Variants in NCKAP1 observed in about 807,000 individuals in gnomAD.
The protein encoded by NCKAP1 is nck-associated protein 1.
A neutral mutation model predicts 151.2 loss-of-function variants in NCKAP1; 21 were observed. The ratio of observed to expected loss-of-function variants is 0.14; its 90% confidence interval spans 0.10 to 0.20. The LOEUF is 0.20. Ranked by LOEUF, NCKAP1 falls within the 10% of genes least tolerant of loss-of-function variation. NCKAP1 has a pLI of 1.00. For missense variants in NCKAP1, 933 were observed against 1,352.1 expected, an observed-to-expected ratio of 0.69 and a Z score of 4.86; for synonymous variants, 484 against 451.8, an observed-to-expected ratio of 1.07 and a Z score of -0.90.
chr2:183,017,144 G>C (rs1168947261), intron 2 of NCKAP1, among the ~76,000 whole-genome samples: 1 of 152,122 alleles, frequency 6.6e-6, no homozygotes, highest in African/African-American at 2.4e-5. Flanking sequence ...TTCAGCTCTA[G>C]AGCAGCAGTC....
intron 24 of NCKAP1, chr2:182,935,628 T>C: frequency 4.4e-6 from 1 of 226,226 alleles, no homozygotes; most frequent in Non-Finnish European, 8.5e-6. Context: ...ATGAGTTAGA[T>C]GGTTCACAAG....
In NCKAP1 at chr2:183,004,441, A is replaced by AAT. The variant is rs1357704153; in HGVS notation, c.220-1118_220-1117dup. 2.0e-3 allele frequency among the ~76,000 whole-genome samples: 303 copies of AAT among 150,208 alleles called. 1 individual carries two copies. Among genetic ancestry groups the AAT allele is most frequent in the African/African-American group, 7.2e-3 (290 of 40,484 alleles). ...ACAGCAGTGAGCCTAACATCAGAGG[A>AAT]ATATATATATATTTTTAACTACGAA... On this transcript the variant is annotated intron_variant, in intron 2 of 30. Coordinates refer to ENST00000361354, the MANE Select transcript of NCKAP1 (RefSeq NM_013436.5).
At chr2:183,036,418 A>G (rs1699103621) in intron 1 of NCKAP1, among the ~76,000 whole-genome samples, 2 of 152,218 alleles carry the variant, frequency 1.3e-5, no homozygotes, top group Admixed American at 1.3e-4. Context: ...TTTGGACAAA[A>G]TTCATATAGG....
chr2:182,978,109 A>T (rs943054254), intron 14 of NCKAP1, among the ~76,000 whole-genome samples: 1 of 152,176 alleles, frequency 6.6e-6, no homozygotes, highest in Non-Finnish European at 1.5e-5. Context: ...ACTCTATATA[A>T]ACCAAATATC....
rs1393976962 is a variant in NCKAP1 at position 182,983,231 on chromosome 2, G to A, written c.1101+55C>T. The A allele has an allele frequency of 5.0e-6, 7 of 1,391,476 alleles. No individual in the cohort carries two copies. The South Asian group carries it at 6.4e-5, about 13-fold the overall frequency. 86.2% of individuals were successfully genotyped at this position (1,391,476 alleles called of 1,614,324 possible). A position where few individuals can be genotyped will look rare whatever the true frequency, so the allele number is the denominator to read the frequency against. On this transcript the variant is annotated intron_variant, in intron 11 of 30. Transcript: ENST00000361354. ...TTTCAGTAAAATTTCACTTAGAAACGTTTTTTAAAATTTTAATATGGCACA... is the reference window on the plus strand; with the variant it reads ...TTTCAGTAAAATTTCACTTAGAAACATTTTTTAAAATTTTAATATGGCACA...
At chr2:183,025,955 C>G (rs1698886474) in intron 1 of NCKAP1, among the ~76,000 whole-genome samples, 1 of 152,130 alleles carries the variant, frequency 6.6e-6, no homozygotes, top group South Asian at 2.1e-4. Context: ...TAGGGACTAT[C>G]ACATATAATG....
chr2:183,017,124 G>T (rs1340164997), intron 2 of NCKAP1, among the ~76,000 whole-genome samples: 3 of 152,106 alleles, frequency 2.0e-5, no homozygotes, highest in Non-Finnish European at 2.9e-5. Flanking sequence ...GTCCAAAGGG[G>T]TAGCTAGAAT....
intron 24 of NCKAP1, among the ~76,000 whole-genome samples, chr2:182,939,438 A>C (rs1696949151): frequency 1.3e-5 from 2 of 152,152 alleles, no homozygotes; most frequent in Admixed American, 1.3e-4. Context: ...CTGATGCAGG[A>C]GAATTGGTTG....
At chr2:182,933,694 C>A (rs1343459231) in intron 26 of NCKAP1, among the ~76,000 whole-genome samples, 1 of 151,980 alleles carries the variant, frequency 6.6e-6, no homozygotes, top group East Asian at 1.9e-4. Flanking sequence ...GGATTAGAGT[C>A]TTGAGCCACC....
At position 182,935,302 on chromosome 2, in the gene NCKAP1, T is replaced by C; in HGVS notation, c.2769A>G (p.Ala923=). Residue 923 remains alanine, a synonymous_variant, in exon 25 of 31, where the codon GCA becomes GCG. Coordinates refer to ENST00000361354, the MANE Select transcript of NCKAP1 (RefSeq NM_013436.5). The stretch of plus-strand genomic sequence containing the variant: ...TGTAATGGTTTCTTACATCTCTAAG[T>C]GCTTCTTGTGCCAATGATCGGAAGG... The part of the protein sequence containing the change: ...ILSFRSLAQE[A]LRDVLSYHIP... 6.3e-7 allele frequency: 1 copy of C among 1,586,220 alleles called. No homozygotes were observed. The highest frequency in any genetic ancestry group is 1.2e-5 in the South Asian group (1 of 86,012).
chr2:183,008,241 T>C (rs1455870073), intron 2 of NCKAP1, among the ~76,000 whole-genome samples: 1 of 152,202 alleles, frequency 6.6e-6, no homozygotes, highest in African/African-American at 2.4e-5. Flanking sequence ...GTGAACATTT[T>C]AAAGCAACAC....
chr2:183,014,001 T>C (rs1559106636), intron 2 of NCKAP1, among the ~76,000 whole-genome samples: 1 of 152,176 alleles, frequency 6.6e-6, no homozygotes, highest in East Asian at 1.9e-4. Context: ...TCACCCTAAG[T>C]AAATTACATC....
intron 2 of NCKAP1, among the ~76,000 whole-genome samples, chr2:183,021,304 T>A (rs1441007026): frequency 6.6e-6 from 1 of 152,000 alleles, no homozygotes; most frequent in Non-Finnish European, 1.5e-5. Context: ...TATTTGGCAA[T>A]AAAAAGAAAT....
chr2:183,021,047 C>CA (rs1698788905), intron 2 of NCKAP1, among the ~76,000 whole-genome samples: 3 of 152,234 alleles, frequency 2.0e-5, no homozygotes, highest in African/African-American at 7.2e-5. Context: ...GTAAATACTA[C>CA]AAGTAAGTCA....
At chr2:183,017,215 CGGAGGGGT>C in intron 2 of NCKAP1, among the ~76,000 whole-genome samples, 1 of 151,830 alleles carries the variant, frequency 6.6e-6, no homozygotes, top group East Asian at 1.9e-4. Context: ...TGTACTGGGG[CGGAGGGGT>C]GGAGGGTGGT....
rs1472379505 is a variant in NCKAP1, at chr2:183,024,517, A to G, written c.109-601T>C. ...AACAATGAATCTACATCTGTTCTAT[A>G]TATCATAAGCACAGAACAAATGGAT... On this transcript the variant is annotated intron_variant, in intron 1 of 30. Transcript: ENST00000361354. 3.9e-5 allele frequency among the ~76,000 whole-genome samples: 6 copies of G among 152,336 alleles called. No individual in the cohort carries two copies. The East Asian group carries it at 9.6e-4, about 24-fold the overall frequency.
rs1192846992 is a variant in NCKAP1, at chr2:182,920,612, G to C, written c.*5090C>G. 6.6e-6 allele frequency: 1 copy of C among 152,266 alleles called. No individual in the cohort carries two copies. The highest frequency in any genetic ancestry group is 1.5e-5 in the Non-Finnish European group (1 of 68,108). 9.4% of individuals were successfully genotyped at this position (152,266 alleles called of 1,614,324 possible). ...CATATTTGGTGTTTGTGGAGGGTCT[G>C]CTTTCTGGTTCATGAACAGTGGCTT... is the stretch of plus-strand genomic sequence containing the variant. On this transcript the variant is annotated 3_prime_UTR_variant, in exon 31 of 31. Coordinates refer to ENST00000361354, the MANE Select transcript of NCKAP1 (RefSeq NM_013436.5).
intron 1 of NCKAP1, among the ~76,000 whole-genome samples, chr2:183,026,158 T>C (rs1443883345): frequency 6.6e-6 from 1 of 152,232 alleles, no homozygotes; most frequent in African/African-American, 2.4e-5. Flanking sequence ...GAATTTCATT[T>C]TGTCCAAGTC....
In NCKAP1 at chr2:182,921,605, G is replaced by C. The variant is rs1005326451; in HGVS notation, c.*4097C>G. 1 of 152,210 alleles carries C rather than the reference G, an allele frequency of 6.6e-6. No individual in the cohort carries two copies. Among genetic ancestry groups the C allele is most frequent in the African/African-American group, 2.4e-5 (1 of 41,464 alleles). The allele number at this position is 152,210 out of a possible 1,614,324, so 9.4% of individuals were successfully genotyped here. A position where few individuals can be genotyped will look rare whatever the true frequency, so the allele number is the denominator to read the frequency against. On this transcript the variant is annotated 3_prime_UTR_variant, in exon 31 of 31. Transcript: ENST00000361354. ...AGAAGAAGGTAAGGGCTGGGGATGA[G>C]GGGTGCACTTAAACCAGAAATGAGA...
Sources: gnomAD v4.1 joint callset for allele counts (sites outside exome capture counted in the v4.1 genomes callset) on GRCh38, gnomAD v4.1.1 for gene constraint, MANE v1.5 for transcripts, NCBI Gene and HGNC (gene_info 2026-07-23, HGNC 2026-07-21) for gene names.